Variants in GFRAL observed in about 807,000 individuals in gnomAD.
GFRAL encodes the protein GDNF family receptor alpha like, also known as GDNF family receptor alpha-like.
Under a neutral mutation model 45.4 loss-of-function variants are expected in GFRAL, and 36 were observed. That is an observed-to-expected ratio of 0.79 (90% CI 0.61 to 1.05). GFRAL has a LOEUF of 1.05. GFRAL is among the 50% of genes least tolerant of loss of function. The probability of loss-of-function intolerance (pLI) is 0.00; values close to 1 mark genes in which losing one functional copy is unlikely to be tolerated. For missense variants in GFRAL, 507 were observed against 467.5 expected (o/e 1.08, Z -0.78); for synonymous variants, 166 against 154.1 (o/e 1.08, Z -0.57).
At chr6:55,398,991 C>T (rs9396088) in intron 6 of GFRAL, among the ~76,000 whole-genome samples, 189 bp from the exon 7 acceptor site, 109,898 of 151,854 alleles carry the variant, frequency 0.72, 40,047 homozygotes, top group Admixed American at 0.8. Flanking sequence ...ACGGAAATTA[C>T]CTGATTAAAA....
At chr6:55,344,796 C>A (rs373124120) in intron 3 of GFRAL, among the ~76,000 whole-genome samples, 18 of 152,254 alleles carry the variant, frequency 1.2e-4, no homozygotes, top group South Asian at 8.3e-4. Flanking sequence ...AAAATCCCAT[C>A]ATCTCAGCCC....
chr6:55,342,995 C>G (rs910598049), intron 3 of GFRAL, among the ~76,000 whole-genome samples: 1 of 152,118 alleles, frequency 6.6e-6, no homozygotes, highest in Non-Finnish European at 1.5e-5. Context: ...AATATATATG[C>G]ACCCAATACA....
chr6:55,362,057 C>T (rs2127358067), intron 6 of GFRAL, among the ~76,000 whole-genome samples: 1 of 151,912 alleles, frequency 6.6e-6, no homozygotes, highest in East Asian at 1.9e-4. Flanking sequence ...TTCTATTGTT[C>T]CCCAATGCTG....
intron 5 of GFRAL, among the ~76,000 whole-genome samples, chr6:55,355,172 T>G (rs1768172152): frequency 6.6e-6 from 1 of 151,894 alleles, no homozygotes; most frequent in African/African-American, 2.4e-5. Flanking sequence ...AAATGTGGAT[T>G]AAAGATCTTT....
chr6:55,397,285 G>A (rs1432889837), intron 6 of GFRAL, among the ~76,000 whole-genome samples: 1 of 139,136 alleles, frequency 7.2e-6, no homozygotes, highest in African/African-American at 2.8e-5. Context: ...TTGGGAGGCC[G>A]AGGCGGGTGG....
In GFRAL at chr6:55,399,268, C is replaced by T. The variant is rs746075168; in HGVS notation, c.1041C>T (p.Pro347=). 1.0e-5 allele frequency: 16 copies of T among 1,586,196 alleles called. No individual in the cohort carries two copies. In the African/African-American group the frequency reaches 2.0e-4, roughly 20 times the overall value. ...TCACTTTAACTGGATTTCATTCCCC[C>T]TTCAATGGTCAGTTAAAAATCAATC... is the stretch of plus-strand genomic sequence containing the variant. ...NKITLTGFHS[P]FNGEVIYAAM... is the part of the protein sequence containing the mutation. The change falls in exon 7 of 9, where the codon CCC becomes CCT. Residue 347 remains proline (P), a synonymous_variant. Coordinates refer to ENST00000340465, the MANE Select transcript of GFRAL (RefSeq NM_207410.2).
intron 1 of GFRAL, among the ~76,000 whole-genome samples, chr6:55,329,973 T>C (rs17756843): frequency 0.041 from 6,248 of 152,246 alleles, 807 homozygotes; most frequent in East Asian, 0.34. Context: ...AGTTATAGCT[T>C]GACTCTCTTG....
chr6:55,348,237 A>AGTGTGT (rs10560874), intron 3 of GFRAL, among the ~76,000 whole-genome samples: 2,074 of 150,418 alleles, frequency 0.014, 13 homozygotes, highest in African/African-American at 0.02. Context: ...GGAAAAAATG[A>AGTGTGT]GTGTGTGTGT....
intron 1 of GFRAL, among the ~76,000 whole-genome samples, chr6:55,329,830 T>C (rs1264355667): frequency 2.6e-5 from 4 of 151,936 alleles, no homozygotes; most frequent in Non-Finnish European, 5.9e-5. Flanking sequence ...TAAGATGAGA[T>C]TTGCAAAGAG....
rs1021226889 is a variant in GFRAL, at chr6:55,369,098, C to T, written c.952+9960C>T. Reference sequence around the variant, plus strand: ...GCTGTGCTAGCAATCAGCGAGACTCCGTGGGCGTAGGACCCTCCGAGCCAG... The same window carrying T: ...GCTGTGCTAGCAATCAGCGAGACTCTGTGGGCGTAGGACCCTCCGAGCCAG... On this transcript the variant is annotated intron_variant, in intron 6 of 8. Coordinates refer to ENST00000340465, the MANE Select transcript of GFRAL (RefSeq NM_207410.2). Among the ~76,000 whole-genome samples the T allele has an allele frequency of 9.9e-5, 15 of 151,356 alleles. No homozygotes were observed. In the East Asian group the frequency reaches 2.1e-3, roughly 21 times the overall value.
chr6:55,361,905 T>G (rs1768281420), intron 6 of GFRAL, among the ~76,000 whole-genome samples: 2 of 152,036 alleles, frequency 1.3e-5, no homozygotes. Context: ...GGCTTTTCAG[T>G]TTGTCACATT....
chr6:55,358,988 A>G lies in GFRAL; in HGVS notation c.802A>G (p.Thr268Ala), dbSNP rs776469013. 8.1e-6 allele frequency: 13 copies of G among 1,613,102 alleles called. No individual in the cohort carries two copies. The Admixed American group carries it at 2.2e-4, about 27-fold the overall frequency. The change falls in exon 6 of 9, where the codon ACT (threonine) becomes GCT (alanine). Residue 268 changes from threonine (T) to alanine (A), a missense_variant. Thr to Ala is a moderately conservative substitution (Grantham distance 58). Transcript: ENST00000340465. ...CISTLSKQDLTCSGSDDCKAA... is the reference protein window; with the variant it reads ...CISTLSKQDLACSGSDDCKAA... ...TAGCACCTTAAGCAAACAGGACCTC[A>G]CTTGTTCAGGAAGTGATGACTGCAA...
intron 6 of GFRAL, among the ~76,000 whole-genome samples, chr6:55,395,194 A>ATATATAT (rs1768808613): frequency 2.0e-5 from 3 of 147,760 alleles, no homozygotes; most frequent in African/African-American, 5.0e-5. Context: ...ATATATATAT[A>ATATATAT]AGCCAGCTAG....
rs987935509 is a variant in GFRAL, at chr6:55,341,216, T to C, written c.316+7272T>C. Reference sequence around the variant, plus strand: ...AGAGTTTGAAATCTAAGAATGAACATACTGCCTTCTCAAGTGGGTCCCTGA... The same window carrying C: ...AGAGTTTGAAATCTAAGAATGAACACACTGCCTTCTCAAGTGGGTCCCTGA... On this transcript the variant is annotated intron_variant, in intron 3 of 8. Transcript: ENST00000340465. 5.3e-5 allele frequency among the ~76,000 whole-genome samples: 8 copies of C among 152,156 alleles called. No homozygotes were observed. The South Asian group carries it at 1.4e-3, about 28-fold the overall frequency.
intron 3 of GFRAL, among the ~76,000 whole-genome samples, chr6:55,346,666 A>G (rs2127353892): frequency 6.6e-6 from 1 of 152,274 alleles, no homozygotes; most frequent in East Asian, 1.9e-4. Context: ...CGTTGTGCAC[A>G]TGTACCCTAG....
At chr6:55,358,013 T>G (rs1301574835) in intron 5 of GFRAL, among the ~76,000 whole-genome samples, 1 of 151,820 alleles carries the variant, frequency 6.6e-6, no homozygotes, top group Non-Finnish European at 1.5e-5. Context: ...CAGTATTTCC[T>G]TTATTATAAA....
At chr6:55,391,814 G>A (rs1424633070) in intron 6 of GFRAL, among the ~76,000 whole-genome samples, 1 of 152,186 alleles carries the variant, frequency 6.6e-6, no homozygotes, top group Non-Finnish European at 1.5e-5. Flanking sequence ...GTGAAGTAGA[G>A]CTGGTTTTTA....
At position 55,351,234 on chromosome 6, in the gene GFRAL, G is replaced by A. The variant is rs781515663; in HGVS notation, c.371-19G>A. 3 of 1,535,010 alleles carry A rather than the reference G, an allele frequency of 2.0e-6. No individual in the cohort carries two copies. The highest frequency in any genetic ancestry group is 2.7e-6 in the Non-Finnish European group (3 of 1,127,594). Reference sequence around the variant, plus strand: ...TTTGTGTTTACTTTTCCACGACCTGGGCATATCATTGCTTTCAGGATTCAA... The same window carrying A: ...TTTGTGTTTACTTTTCCACGACCTGAGCATATCATTGCTTTCAGGATTCAA... On this transcript the variant is annotated intron_variant, in intron 4 of 8. Transcript: ENST00000340465.
At chr6:55,385,703 G>A (rs1041577790) in intron 6 of GFRAL, among the ~76,000 whole-genome samples, 122 of 152,084 alleles carry the variant, frequency 8.0e-4, no homozygotes, top group African/African-American at 2.9e-3. Flanking sequence ...ACATTTCACA[G>A]GGAACACAGG....
Sources: gnomAD v4.1 joint callset for allele counts (sites outside exome capture counted in the v4.1 genomes callset) on GRCh38, gnomAD v4.1.1 for gene constraint, MANE v1.5 for transcripts, NCBI Gene and HGNC (gene_info 2026-07-23, HGNC 2026-07-21) for gene names.